SDK1: variants seen among roughly 807,000 people sequenced by gnomAD.
The protein encoded by SDK1 is sidekick cell adhesion molecule 1.
Under a neutral mutation model 245.5 loss-of-function variants are expected in SDK1, and 157 were observed. That is an observed-to-expected ratio of 0.64 (90% confidence interval 0.56 to 0.73). The LOEUF is 0.73. Among genes scored for constraint, SDK1 ranks in the 30% least tolerant of loss-of-function variants. The pLI is 0.00. For missense variants in SDK1, 3,583 were observed against 3,002.3 expected (o/e 1.19, Z -4.52); for synonymous variants, 1,647 against 1,278.5 (o/e 1.29, Z -6.15).
In SDK1 at chr7:4,144,648, G is replaced by C. The variant is rs555273754; in HGVS notation, c.4229-1074G>C. ...GGTCGTTCATGAACCAGAGACCTGAGAGCAGGAAGAGCTGAGAGAGGGAGG... is the reference window on the plus strand; with the variant it reads ...GGTCGTTCATGAACCAGAGACCTGACAGCAGGAAGAGCTGAGAGAGGGAGG... On this transcript the variant is annotated intron_variant, in intron 28 of 44. Transcript: ENST00000404826. 1.9e-4 allele frequency among the ~76,000 whole-genome samples: 29 copies of C among 152,234 alleles called. 1 individual carries two copies. The highest frequency in any genetic ancestry group is 6.5e-4 in the African/African-American group (27 of 41,534).
chr7:3,899,588 G>A (rs1781713834), intron 5 of SDK1, among the ~76,000 whole-genome samples: 3 of 152,184 alleles, frequency 2.0e-5, no homozygotes, highest in Non-Finnish European at 4.4e-5. Flanking sequence ...GTGGCACACT[G>A]CCTTGACCTC....
At chr7:4,011,262 C>G in intron 15 of SDK1, 149 bp downstream of exon 15, 1 of 1,030,374 alleles carries the variant, frequency 9.7e-7, no homozygotes, top group South Asian at 1.6e-5. Flanking sequence ...AAAAGCCTGT[C>G]GCAAAGAGGG....
intron 4 of SDK1, among the ~76,000 whole-genome samples, chr7:3,768,034 G>A (rs577444321): frequency 6.6e-6 from 1 of 152,238 alleles, no homozygotes; most frequent in Non-Finnish European, 1.5e-5. Context: ...AAAGCAGCAG[G>A]GCATTAATCT....
In SDK1 at chr7:3,602,090, A is replaced by G. The variant is rs541381108; in HGVS notation, c.299-16990A>G. Among the ~76,000 whole-genome samples, 131 of 152,024 alleles carry G rather than the reference A, an allele frequency of 8.6e-4. 1 individual carries two copies. Among genetic ancestry groups the G allele is most frequent in the African/African-American group, 3.0e-3 (123 of 41,458 alleles). Reference sequence around the variant, plus strand: ...TCCAGTCTATCGTTGTTGGACATTTAGGTTGGTTCCAAGTCTTTGCTGTTG... The same window carrying G: ...TCCAGTCTATCGTTGTTGGACATTTGGGTTGGTTCCAAGTCTTTGCTGTTG... On this transcript the variant is annotated intron_variant, in intron 1 of 44. Coordinates refer to ENST00000404826, the MANE Select transcript of SDK1 (RefSeq NM_152744.4).
intron 1 of SDK1, among the ~76,000 whole-genome samples, chr7:3,354,062 G>T (rs987256753): frequency 6.7e-6 from 1 of 149,920 alleles, no homozygotes; most frequent in Non-Finnish European, 1.5e-5. Context: ...GCGAGATCTC[G>T]GCTCGCTGCA....
At chr7:3,350,426 T>C (rs1780629227) in intron 1 of SDK1, among the ~76,000 whole-genome samples, 2 of 152,210 alleles carry the variant, frequency 1.3e-5, no homozygotes, top group African/African-American at 4.8e-5. Flanking sequence ...CATAACTGAT[T>C]ATTATCTGCT....
chr7:3,573,238 G>T (rs1163846478), intron 1 of SDK1, among the ~76,000 whole-genome samples: 1 of 152,122 alleles, frequency 6.6e-6, no homozygotes, highest in East Asian at 1.9e-4. Flanking sequence ...AAGAGTGGCA[G>T]AATAAAGGCA....
intron 5 of SDK1, among the ~76,000 whole-genome samples, chr7:3,885,871 G>A (rs941469082): frequency 2.0e-5 from 3 of 152,216 alleles, no homozygotes; most frequent in African/African-American, 7.2e-5. Flanking sequence ...TTCTGGAGAT[G>A]CCGGAGAAAA....
chr7:3,829,185 C>T (rs1033653919), intron 5 of SDK1, among the ~76,000 whole-genome samples: 4 of 151,984 alleles, frequency 2.6e-5, no homozygotes, highest in Non-Finnish European at 5.9e-5. Context: ...CTTTTTAGTC[C>T]TTCAAATTTA....
chr7:3,652,998 C>A (rs1000248360), intron 4 of SDK1, among the ~76,000 whole-genome samples: 1 of 152,226 alleles, frequency 6.6e-6, no homozygotes, highest in Non-Finnish European at 1.5e-5. Context: ...GAGCACCTCA[C>A]GTCCTCTCTT....
intron 1 of SDK1, among the ~76,000 whole-genome samples, chr7:3,529,918 C>G (rs987103947): frequency 2.0e-5 from 3 of 152,098 alleles, no homozygotes; most frequent in Non-Finnish European, 2.9e-5. Context: ...AAAACACTGA[C>G]AGACTCTGGT....
At chr7:3,860,080 T>A (rs1474703323) in intron 5 of SDK1, among the ~76,000 whole-genome samples, 1 of 150,236 alleles carries the variant, frequency 6.7e-6, no homozygotes, top group Non-Finnish European at 1.5e-5. Flanking sequence ...CCACCACTCC[T>A]GGCTAAGTTT....
intron 38 of SDK1, among the ~76,000 whole-genome samples, chr7:4,215,902 C>T (rs555501671): frequency 4.6e-5 from 7 of 152,318 alleles, no homozygotes; most frequent in African/African-American, 1.4e-4. Context: ...AACCTCAGAG[C>T]AGAGGGAGAA....
intron 5 of SDK1, among the ~76,000 whole-genome samples, chr7:3,909,562 C>T (rs1305310274): frequency 1.3e-5 from 2 of 152,348 alleles, no homozygotes; most frequent in African/African-American, 2.4e-5. Context: ...GGGACAGTGA[C>T]GGTGTTAGTG....
intron 4 of SDK1, among the ~76,000 whole-genome samples, chr7:3,736,109 T>G (rs1366261690): frequency 6.6e-6 from 1 of 152,206 alleles, no homozygotes; most frequent in African/African-American, 2.4e-5. Flanking sequence ...AATATATAAT[T>G]TGCCAGTGTC....
chr7:3,545,157 T>G (rs570777552), intron 1 of SDK1, among the ~76,000 whole-genome samples: 114 of 152,124 alleles, frequency 7.5e-4, no homozygotes, highest in Non-Finnish European at 1.4e-3. Flanking sequence ...GAGAGAGTTT[T>G]AATTGACGCC....
chr7:4,101,608 C>T (rs1014033395), intron 22 of SDK1, among the ~76,000 whole-genome samples: 4 of 152,178 alleles, frequency 2.6e-5, no homozygotes, highest in Non-Finnish European at 5.9e-5. Flanking sequence ...ACAGAAGGAG[C>T]ACTGACCCTC....
intron 4 of SDK1, among the ~76,000 whole-genome samples, chr7:3,670,687 A>G (rs954185757): frequency 6.6e-6 from 1 of 152,096 alleles, no homozygotes; most frequent in African/African-American, 2.4e-5. Context: ...TGCTCTCCCC[A>G]CTTATACAGG....
chr7:3,964,535 A>T, intron 9 of SDK1, among the ~76,000 whole-genome samples: 1 of 152,056 alleles, frequency 6.6e-6, no homozygotes, highest in East Asian at 1.9e-4. Context: ...TTCTTTTATT[A>T]TCCCATTAAC....
Sources: allele counts gnomAD v4.1 joint callset (sites outside exome capture counted in the v4.1 genomes callset), GRCh38; gene constraint gnomAD v4.1.1; transcripts MANE v1.5; gene names NCBI Gene and HGNC (gene_info 2026-07-23, HGNC 2026-07-21).